The following SLC25A48 variants were observed in gnomAD, a reference collection of about 807,000 sequenced individuals.
SLC25A48 encodes the protein CTC-321K16.1.
In SLC25A48, 29 loss-of-function variants were observed where a neutral mutation model predicts 32.2. The observed-to-expected ratio is 0.90, with a 90% CI of 0.67 to 1.23. The LOEUF is 1.23. SLC25A48 is among the 50% of genes most tolerant of loss of function. SLC25A48 has a pLI of 0.00. For missense variants in SLC25A48, 399 were observed against 422.7 expected (o/e 0.94, Z 0.49); for synonymous variants, 164 against 172.3 (o/e 0.95, Z 0.38).
chr5:135,730,916 G>A (rs977921749), intron 3 of SLC25A48, among the ~76,000 whole-genome samples: 1 of 152,160 alleles, frequency 6.6e-6, no homozygotes, highest in Admixed American at 6.5e-5. Context: ...CAATAAGTGG[G>A]GAACAGAGCT....
chr5:135,861,071 A>G (rs112576109), intron 4 of SLC25A48, among the ~76,000 whole-genome samples: 1,931 of 152,330 alleles, frequency 0.013, 46 homozygotes, highest in African/African-American at 0.043. Context: ...AGAGGTAGAA[A>G]GTGCCCATTC....
chr5:135,740,149 C>A (rs778683011), intron 3 of SLC25A48, among the ~76,000 whole-genome samples: 4 of 151,970 alleles, frequency 2.6e-5, no homozygotes, highest in Non-Finnish European at 5.9e-5. Flanking sequence ...AATGAATCAA[C>A]AAGTATATAT....
chr5:135,711,857 G>T (rs918640409), intron 3 of SLC25A48, among the ~76,000 whole-genome samples: 6 of 152,000 alleles, frequency 3.9e-5, no homozygotes, highest in Middle Eastern at 3.4e-3. Context: ...GGCCACAGCT[G>T]CCACTTCCAT....
At chr5:135,590,742 T>C (rs180961004) in intron 1 of SLC25A48, among the ~76,000 whole-genome samples, 54 of 152,166 alleles carry the variant, frequency 3.5e-4, no homozygotes, top group African/African-American at 1.2e-3. Flanking sequence ...TGGGAGGCTT[T>C]GGAGAAAAGA....
chr5:135,749,008 T>G (rs1755707314), intron 3 of SLC25A48, among the ~76,000 whole-genome samples: 15 of 152,144 alleles, frequency 9.9e-5, no homozygotes, highest in Admixed American at 9.8e-4. Context: ...TGTGAGCCCA[T>G]CTCAGGTACT....
At chr5:135,812,425 CTG>C (rs1314408303) in intron 3 of SLC25A48, 2 of 152,186 alleles carry the variant, frequency 1.3e-5, no homozygotes, top group East Asian at 3.8e-4. Context: ...TATAGACAAA[CTG>C]TAGACAACAA....
At chr5:135,738,857 G>A (rs1052059501) in intron 3 of SLC25A48, among the ~76,000 whole-genome samples, 3 of 152,154 alleles carry the variant, frequency 2.0e-5, no homozygotes, top group African/African-American at 4.8e-5. Context: ...CGAGGCAGGC[G>A]GATGATCTGA....
chr5:135,782,371 C>T (rs1446987265), intron 3 of SLC25A48, among the ~76,000 whole-genome samples: 1 of 116,160 alleles, frequency 8.6e-6, no homozygotes, highest in Non-Finnish European at 2.1e-5. Context: ...GTTCCTAATA[C>T]CCAGGATGTG....
chr5:135,799,155 C>G (rs1580893213), intron 3 of SLC25A48, among the ~76,000 whole-genome samples: 1 of 151,680 alleles, frequency 6.6e-6, no homozygotes, highest in Admixed American at 6.6e-5. Context: ...AGGGGATGTA[C>G]AGCACCCTGT....
At chr5:135,634,829 G>A (rs1752663341) in exon 3 of SLC25A48, 1 of 152,248 alleles carries the variant, frequency 6.6e-6, no homozygotes, top group South Asian at 2.1e-4. Context: ...GTGTTAAGAA[G>A]AAACCAAGTA....
At chr5:135,757,917 C>G (rs1755958893) in intron 3 of SLC25A48, among the ~76,000 whole-genome samples, 1 of 150,162 alleles carries the variant, frequency 6.7e-6, no homozygotes, top group African/African-American at 2.4e-5. Flanking sequence ...CAATGTTACA[C>G]TATGATATTA....
Position 135,784,909 on chromosome 5 carries a change from G to T in SLC25A48, c.-520-27614G>T, listed in dbSNP as rs1295037474. On this transcript the variant is annotated intron_variant, in intron 3 of 10. Coordinates refer to the SLC25A48 transcript ENST00000646290. ...GATGATATTACAAGCAATATTACAAGGAATGTACACACCCCCATGTGACAT... is the reference window on the plus strand; with the variant it reads ...GATGATATTACAAGCAATATTACAATGAATGTACACACCCCCATGTGACAT... 5.1e-5 allele frequency among the ~76,000 whole-genome samples: 6 copies of T among 118,612 alleles called. 1 individual carries two copies. In the Admixed American group the frequency reaches 5.2e-4, roughly 10 times the overall value. 77.8% of individuals were successfully genotyped at this position (118,612 alleles called of 152,430 possible).
intron 6 of SLC25A48, chr5:135,876,131 CTTTTTTTT>C (rs1182130199): frequency 4.5e-4 from 11 of 24,408 alleles, no homozygotes; most frequent in African/African-American, 1.1e-3. Context: ...TTTTCTTCTT[CTTTTTTTT>C]TTTTTTTTTT....
intron 3 of SLC25A48, among the ~76,000 whole-genome samples, chr5:135,695,197 A>C (rs548146229): frequency 2.6e-5 from 4 of 152,248 alleles, no homozygotes; most frequent in African/African-American, 9.6e-5. Flanking sequence ...CCCTCTTCAG[A>C]GACTGTCCCT....
intron 3 of SLC25A48, among the ~76,000 whole-genome samples, chr5:135,694,136 T>C (rs1754212587): frequency 6.6e-6 from 1 of 152,164 alleles, no homozygotes; most frequent in Non-Finnish European, 1.5e-5. Flanking sequence ...CAGGAATGAA[T>C]GGCTGGGCCT....
chr5:135,830,317 AT>A (rs1758170642), upstream of SLC25A48, among the ~76,000 whole-genome samples: 1 of 152,236 alleles, frequency 6.6e-6, no homozygotes. Context: ...CGCAGCTGAT[AT>A]CCCCGTGGCC....
At chr5:135,709,998 CTG>C (rs1754615494) in intron 3 of SLC25A48, among the ~76,000 whole-genome samples, 1 of 152,308 alleles carries the variant, frequency 6.6e-6, no homozygotes, top group East Asian at 1.9e-4. Context: ...ACCATGGTCA[CTG>C]TAAAGCTCAC....
At chr5:135,856,340 C>G (rs546753596) in intron 4 of SLC25A48, among the ~76,000 whole-genome samples, 1 of 152,158 alleles carries the variant, frequency 6.6e-6, no homozygotes, top group African/African-American at 2.4e-5. Flanking sequence ...GGAGAAGACT[C>G]CTCTCCCTGG....
In SLC25A48 at chr5:135,852,762, G is replaced by C; in HGVS notation, c.362G>C (p.Gly121Ala). Residue 121 changes from glycine to alanine, a missense_variant, in exon 4 of 8, where the codon GGA becomes GCA. By Grantham distance (60) the Gly-to-Ala change is moderately conservative. Coordinates refer to ENST00000681962, the MANE Select transcript of SLC25A48 (RefSeq NM_001349336.2). ...MVAGVVSVGLGGPVDLIKIRL... is the reference protein window; with the variant it reads ...MVAGVVSVGLAGPVDLIKIRL... ...GCCGGCGTGGTCTCTGTCGGGCTGGGAGGGCCCGTGGACCTCATCAAGATC... is the reference window on the plus strand; with the variant it reads ...GCCGGCGTGGTCTCTGTCGGGCTGGCAGGGCCCGTGGACCTCATCAAGATC... The C allele has an allele frequency of 6.2e-7, 1 of 1,614,046 alleles. No individual in the cohort carries two copies. The highest frequency in any genetic ancestry group is 2.2e-5 in the East Asian group (1 of 44,868).
Sources: gnomAD v4.1 joint callset for allele counts (sites outside exome capture counted in the v4.1 genomes callset) on GRCh38, gnomAD v4.1.1 for gene constraint, MANE v1.5 for transcripts, NCBI Gene and HGNC (gene_info 2026-07-23, HGNC 2026-07-21) for gene names.